The following RBM20 variants were observed in gnomAD, a reference collection of about 807,000 sequenced individuals.
RBM20 encodes the protein RNA binding motif protein 20, also known as RNA-binding protein 20.
A neutral mutation model predicts 110.1 loss-of-function variants in RBM20; 51 were observed. That is an observed-to-expected ratio of 0.46 (90% confidence interval 0.37 to 0.59). The LOEUF (loss-of-function observed/expected upper bound fraction) is 0.59. Ranked by LOEUF, RBM20 falls within the 20% of genes least tolerant of loss-of-function variation. RBM20 has a pLI of 0.00. For missense variants in RBM20, 1,512 were observed against 1,574.9 expected (o/e 0.96, Z 0.68); for synonymous variants, 589 against 618.2 (o/e 0.95, Z 0.70).
intron 1 of RBM20, among the ~76,000 whole-genome samples, chr10:110,771,840 TG>T (rs1232401083): frequency 1.3e-5 from 2 of 152,252 alleles, no homozygotes; most frequent in African/African-American, 4.8e-5. Flanking sequence ...GGGCCAGGAT[TG>T]ATCTATAAAT....
intron 7 of RBM20, among the ~76,000 whole-genome samples, chr10:110,807,783 A>G (rs1468067423): frequency 1.3e-5 from 2 of 152,204 alleles, no homozygotes; most frequent in Admixed American, 1.3e-4. Flanking sequence ...TCTTTTTACA[A>G]CAGAAAGCTC....
At chr10:110,676,558 T>G (rs1048482749) in intron 1 of RBM20, among the ~76,000 whole-genome samples, 4 of 152,260 alleles carry the variant, frequency 2.6e-5, no homozygotes, top group Non-Finnish European at 2.9e-5. Flanking sequence ...CCTGCACATT[T>G]CAAACTGTTC....
chr10:110,677,275 G>A (rs1862352557), intron 1 of RBM20, among the ~76,000 whole-genome samples: 2 of 151,832 alleles, frequency 1.3e-5, no homozygotes, highest in African/African-American at 4.8e-5. Flanking sequence ...TTAATCCAGA[G>A]CCCTTATGAC....
intron 1 of RBM20, among the ~76,000 whole-genome samples, chr10:110,763,406 T>C (rs1225514612): frequency 6.6e-6 from 1 of 152,078 alleles, no homozygotes; most frequent in Non-Finnish European, 1.5e-5. Context: ...TTAAAAGGAA[T>C]ATACCCTATT....
At chr10:110,723,869 T>C (rs976164059) in intron 1 of RBM20, among the ~76,000 whole-genome samples, 2 of 152,206 alleles carry the variant, frequency 1.3e-5, no homozygotes, top group African/African-American at 4.8e-5. Context: ...ATTGTGATTT[T>C]CAGTTCATAT....
chr10:110,694,942 G>C (rs2134882266), intron 1 of RBM20, among the ~76,000 whole-genome samples: 2 of 152,300 alleles, frequency 1.3e-5, no homozygotes, highest in South Asian at 4.1e-4. Context: ...AGTCAGGAAA[G>C]ATATACTAGC....
intron 1 of RBM20, among the ~76,000 whole-genome samples, chr10:110,677,144 C>T (rs984883839): frequency 3.9e-5 from 6 of 152,090 alleles, no homozygotes; most frequent in African/African-American, 1.4e-4. Context: ...CATAGGGTAT[C>T]ACATGGTGGA....
At chr10:110,755,813 C>A (rs1338487143) in intron 1 of RBM20, among the ~76,000 whole-genome samples, 1 of 152,104 alleles carries the variant, frequency 6.6e-6, no homozygotes, top group Non-Finnish European at 1.5e-5. Flanking sequence ...AATTGGTTGG[C>A]CAATAAGTTT....
At chr10:110,730,919 C>A (rs1047440192) in intron 1 of RBM20, among the ~76,000 whole-genome samples, 6 of 152,214 alleles carry the variant, frequency 3.9e-5, no homozygotes, top group Non-Finnish European at 5.9e-5. Flanking sequence ...AAGCCGCCCC[C>A]CATCCTGCTT....
intron 6 of RBM20, 64 bp from the exon 7 acceptor site, chr10:110,799,723 G>T (rs752100126): frequency 4.7e-6 from 7 of 1,487,734 alleles, no homozygotes; most frequent in Non-Finnish European, 6.3e-6. Context: ...ATCATGCCTT[G>T]TGCTGAATCT....
At chr10:110,715,518 T>A (rs1214783867) in intron 1 of RBM20, among the ~76,000 whole-genome samples, 5 of 152,250 alleles carry the variant, frequency 3.3e-5, no homozygotes, top group African/African-American at 1.2e-4. Context: ...AGCCCTCCAC[T>A]AGACTAAAGT....
At chr10:110,816,320 G>A (rs143223227) in intron 9 of RBM20, among the ~76,000 whole-genome samples, 370 of 9,704 alleles carry the variant, frequency 0.038, 2 homozygotes, top group Non-Finnish European at 0.052. Context: ...CACCTCCCCC[G>A]ACACTACTGC....
At chr10:110,679,448 T>C (rs1205156677) in intron 1 of RBM20, among the ~76,000 whole-genome samples, 1 of 152,080 alleles carries the variant, frequency 6.6e-6, no homozygotes, top group Non-Finnish European at 1.5e-5. Flanking sequence ...CTCAAACTAG[T>C]GGCCTCAAGC....
At chr10:110,711,151 G>A (rs1367374723) in intron 1 of RBM20, among the ~76,000 whole-genome samples, 1 of 145,984 alleles carries the variant, frequency 6.9e-6, no homozygotes, top group Non-Finnish European at 1.5e-5. Flanking sequence ...CTAACATGGT[G>A]AAATCCCGTC....
intron 1 of RBM20, among the ~76,000 whole-genome samples, chr10:110,653,030 C>T (rs888257596): frequency 6.6e-6 from 1 of 152,164 alleles, no homozygotes; most frequent in Admixed American, 6.5e-5. Context: ...CTTCTCTGCT[C>T]TTCTTTGTTC....
At chr10:110,793,884 A>G (rs1315986460) in intron 5 of RBM20, among the ~76,000 whole-genome samples, 1 of 152,258 alleles carries the variant, frequency 6.6e-6, no homozygotes, top group Admixed American at 6.5e-5. Flanking sequence ...CGCATTTTTC[A>G]ATGTAAAGAA....
intron 1 of RBM20, among the ~76,000 whole-genome samples, chr10:110,733,976 C>T (rs1335945968): frequency 1.3e-5 from 2 of 152,110 alleles, no homozygotes; most frequent in South Asian, 2.1e-4. Flanking sequence ...ATTATACCTG[C>T]GAATGTCTGT....
intron 1 of RBM20, among the ~76,000 whole-genome samples, chr10:110,756,051 G>A (rs1030149943): frequency 2.6e-5 from 4 of 152,184 alleles, no homozygotes; most frequent in Non-Finnish European, 4.4e-5. Context: ...CAATGACAGC[G>A]GATTCCTGAC....
intron 1 of RBM20, among the ~76,000 whole-genome samples, chr10:110,666,691 C>T (rs902402345): frequency 8.4e-6 from 1 of 118,554 alleles, no homozygotes; most frequent in Non-Finnish European, 1.8e-5. Flanking sequence ...AAGTAGGAGG[C>T]TGAGATCCTA....
Sources: gnomAD v4.1 joint callset for allele counts (sites outside exome capture counted in the v4.1 genomes callset) on GRCh38, gnomAD v4.1.1 for gene constraint, MANE v1.5 for transcripts, NCBI Gene and HGNC (gene_info 2026-07-23, HGNC 2026-07-21) for gene names.